The following RBMS3 variants were observed in gnomAD, a reference collection of about 807,000 sequenced individuals.
RBMS3 encodes RNA binding motif single stranded interacting protein 3.
A neutral mutation model predicts 66.8 loss-of-function variants in RBMS3; 27 were observed. That is an observed-to-expected ratio of 0.40 (90% CI 0.30 to 0.56). The LOEUF (loss-of-function observed/expected upper bound fraction) is 0.56, where lower values mean the gene tolerates loss of function less well. Ranked by LOEUF, RBMS3 falls within the 20% of genes least tolerant of loss-of-function variation. The pLI, the probability that RBMS3 is intolerant of heterozygous loss-of-function variation, is 0.40. For synonymous variants in RBMS3, 188 were observed against 183.0 expected (o/e 1.03, Z -0.22); for missense variants, 513 against 549.5 (o/e 0.93, Z 0.66).
chr3:29,737,219 C>A (rs939172214), intron 4 of RBMS3, among the ~76,000 whole-genome samples: 1 of 152,188 alleles, frequency 6.6e-6, no homozygotes, highest in Admixed American at 6.5e-5. Flanking sequence ...TCGTGATCCA[C>A]CCGCCTCGGC....
chr3:29,533,689 A>C (rs1227389793), intron 3 of RBMS3, among the ~76,000 whole-genome samples: 11 of 152,106 alleles, frequency 7.2e-5, no homozygotes, highest in Non-Finnish European at 1.5e-4. Context: ...AGGCAGGGGA[A>C]TCACTTGAAC....
intron 4 of RBMS3, among the ~76,000 whole-genome samples, chr3:29,669,651 A>G (rs2050911847): frequency 6.6e-6 from 1 of 152,232 alleles, no homozygotes; most frequent in Admixed American, 6.5e-5. Flanking sequence ...TGACTCCTAG[A>G]AACATTGTGG....
chr3:29,386,353 T>C (rs1268527138), intron 1 of RBMS3, among the ~76,000 whole-genome samples: 1 of 152,206 alleles, frequency 6.6e-6, no homozygotes, highest in Non-Finnish European at 1.5e-5. Context: ...TCAATATTTA[T>C]TCCAGCTGTT....
At chr3:29,844,255 G>C (rs765523881) in intron 6 of RBMS3, among the ~76,000 whole-genome samples, 1 of 151,974 alleles carries the variant, frequency 6.6e-6, no homozygotes, top group Non-Finnish European at 1.5e-5. Flanking sequence ...GTTTTGTTTT[G>C]TTTTGTTTTG....
At chr3:29,346,311 G>C (rs1028238124) in intron 1 of RBMS3, among the ~76,000 whole-genome samples, 36 of 151,688 alleles carry the variant, frequency 2.4e-4, no homozygotes, top group African/African-American at 7.3e-4. Flanking sequence ...CTAAATAATA[G>C]GACTGAGAAA....
intron 5 of RBMS3, among the ~76,000 whole-genome samples, chr3:29,755,422 C>T (rs981005837): frequency 2.6e-4 from 39 of 152,136 alleles, no homozygotes; most frequent in African/African-American, 8.9e-4. Context: ...ATGGTGTAGG[C>T]ATCAAGATGC....
intron 2 of RBMS3, among the ~76,000 whole-genome samples, chr3:29,452,089 AGTT>A (rs2042035491): frequency 6.6e-6 from 1 of 152,182 alleles, no homozygotes. Context: ...AAGGATGTCA[AGTT>A]ATACATTTAG....
intron 4 of RBMS3, among the ~76,000 whole-genome samples, chr3:29,641,606 A>G (rs967317422): frequency 2.0e-5 from 3 of 152,100 alleles, no homozygotes; most frequent in Non-Finnish European, 4.4e-5. Context: ...AATGGCAATG[A>G]CTTTTAATTT....
At chr3:29,631,369 T>C (rs1259059692) in intron 4 of RBMS3, among the ~76,000 whole-genome samples, 1 of 151,910 alleles carries the variant, frequency 6.6e-6, no homozygotes, top group Middle Eastern at 3.2e-3. Flanking sequence ...CTGACTGCTT[T>C]TCTGTTATCT....
intron 4 of RBMS3, among the ~76,000 whole-genome samples, chr3:29,650,000 G>A (rs2050084790): frequency 6.6e-6 from 1 of 152,086 alleles, no homozygotes; most frequent in Admixed American, 6.5e-5. Context: ...ATTCCCTATT[G>A]GCCACGCCCC....
At chr3:29,480,522 T>A (rs2043094237) in intron 2 of RBMS3, among the ~76,000 whole-genome samples, 1 of 152,146 alleles carries the variant, frequency 6.6e-6, no homozygotes, top group Admixed American at 6.5e-5. Flanking sequence ...AAAGGATATT[T>A]CAAGAGGAAG....
At chr3:29,297,617 G>A (rs542913078) in intron 1 of RBMS3, among the ~76,000 whole-genome samples, 75 of 151,974 alleles carry the variant, frequency 4.9e-4, no homozygotes, top group African/African-American at 1.6e-3. Flanking sequence ...AGGAGTGCAA[G>A]TCTGTCTCAG....
intron 2 of RBMS3, among the ~76,000 whole-genome samples, chr3:29,470,652 A>G (rs1412907703): frequency 6.6e-6 from 1 of 152,076 alleles, no homozygotes; most frequent in African/African-American, 2.4e-5. Context: ...ACCAGTAGAC[A>G]TGTACATTGG....
At chr3:29,640,834 C>T (rs2049675437) in intron 4 of RBMS3, among the ~76,000 whole-genome samples, 1 of 151,894 alleles carries the variant, frequency 6.6e-6, no homozygotes, top group South Asian at 2.1e-4. Context: ...TGAAGGCTAT[C>T]TCTACCCCTT....
chr3:29,503,340 A>AGGGAAT (rs2148940870), intron 3 of RBMS3, among the ~76,000 whole-genome samples: 1 of 152,136 alleles, frequency 6.6e-6, no homozygotes, highest in East Asian at 1.9e-4. Context: ...ACCGAGATTT[A>AGGGAAT]CCTTGTCATT....
At chr3:29,647,975 C>T (rs537289620) in intron 4 of RBMS3, among the ~76,000 whole-genome samples, 2 of 152,162 alleles carry the variant, frequency 1.3e-5, no homozygotes, top group Admixed American at 1.3e-4. Flanking sequence ...TATATGAATT[C>T]CTGAAAGACT....
intron 6 of RBMS3, among the ~76,000 whole-genome samples, chr3:29,846,307 AT>A (rs2058774463): frequency 6.6e-6 from 1 of 152,060 alleles, no homozygotes; most frequent in African/African-American, 2.4e-5. Flanking sequence ...TTTGGGATAT[AT>A]TTTGAAGGTA....
chr3:29,537,206 T>C (rs1243953765), intron 3 of RBMS3, among the ~76,000 whole-genome samples: 1 of 152,228 alleles, frequency 6.6e-6, no homozygotes, highest in East Asian at 1.9e-4. Context: ...AAGTAGTTTG[T>C]CAGCTGAATG....
intron 12 of RBMS3, among the ~76,000 whole-genome samples, chr3:29,968,238 C>G (rs966271651): frequency 6.6e-6 from 1 of 152,182 alleles, no homozygotes; most frequent in Non-Finnish European, 1.5e-5. Context: ...GAGGGCGAGA[C>G]AGGCTTGAAA....
Sources: allele counts gnomAD v4.1 joint callset (sites outside exome capture counted in the v4.1 genomes callset), GRCh38; gene constraint gnomAD v4.1.1; transcripts MANE v1.5; gene names NCBI Gene and HGNC (gene_info 2026-07-23, HGNC 2026-07-21).